Variants in PRKG1 observed in about 807,000 individuals in gnomAD.
PRKG1 encodes the protein protein kinase cGMP-dependent 1, also known as cGMP-dependent protein kinase 1.
Under a neutral mutation model 88.1 loss-of-function variants are expected in PRKG1, and 35 were observed. The observed-to-expected ratio is 0.40, with a 90% CI of 0.30 to 0.53. The LOEUF is 0.53. Ranked by LOEUF, PRKG1 falls within the 20% of genes least tolerant of loss-of-function variation. PRKG1 has a pLI of 0.59. For missense variants in PRKG1, 540 were observed against 839.8 expected (o/e 0.64, Z 4.41); for synonymous variants, 303 against 292.5 (o/e 1.04, Z -0.37).
At chr10:51,823,924 A>G (rs193124655) in intron 4 of PRKG1, among the ~76,000 whole-genome samples, 26 of 120,648 alleles carry the variant, frequency 2.2e-4, no homozygotes, top group Non-Finnish European at 3.5e-4. Context: ...CCTGGGCTAG[A>G]GTGCAGTGGT....
chr10:51,179,321 T>C (rs907484552), intron 2 of PRKG1, among the ~76,000 whole-genome samples: 1 of 152,246 alleles, frequency 6.6e-6, no homozygotes, highest in Non-Finnish European at 1.5e-5. Flanking sequence ...AAAGAAGTTT[T>C]TAAAATGGAT....
At chr10:51,391,791 C>CT (rs1202875882) in intron 2 of PRKG1, among the ~76,000 whole-genome samples, 1 of 152,144 alleles carries the variant, frequency 6.6e-6, no homozygotes, top group Non-Finnish European at 1.5e-5. Context: ...GCATTGACTG[C>CT]TTTTTTGCCA....
intron 3 of PRKG1, among the ~76,000 whole-genome samples, chr10:51,768,293 T>TA (rs1396080136): frequency 3.3e-5 from 5 of 152,148 alleles, no homozygotes; most frequent in Non-Finnish European, 2.9e-5. Flanking sequence ...TTTCATAAGC[T>TA]AAGAGTTGTG....
intron 2 of PRKG1, among the ~76,000 whole-genome samples, chr10:51,352,418 T>G (rs892104507): frequency 6.6e-6 from 1 of 152,126 alleles, no homozygotes; most frequent in Non-Finnish European, 1.5e-5. Context: ...TCCTCTCTTA[T>G]TTCCTTGAGC....
chr10:51,655,555 C>T (rs1014491560), intron 3 of PRKG1, among the ~76,000 whole-genome samples: 1 of 151,888 alleles, frequency 6.6e-6, no homozygotes, highest in African/African-American at 2.4e-5. Context: ...CATGATTCTA[C>T]AGACGATAAA....
At chr10:51,301,009 T>G (rs981039517) in intron 2 of PRKG1, among the ~76,000 whole-genome samples, 2 of 152,224 alleles carry the variant, frequency 1.3e-5, no homozygotes, top group Non-Finnish European at 2.9e-5. Context: ...TGTTGACTTT[T>G]TTTTTGAGTG....
chr10:52,267,648 T>C (rs1173285268), intron 10 of PRKG1, among the ~76,000 whole-genome samples: 1 of 152,072 alleles, frequency 6.6e-6, no homozygotes, highest in Non-Finnish European at 1.5e-5. Flanking sequence ...TGTGTGTATA[T>C]ATATACATAT....
chr10:51,476,990 GAGGC>G (rs1163070214), intron 3 of PRKG1, among the ~76,000 whole-genome samples: 1 of 151,972 alleles, frequency 6.6e-6, no homozygotes, highest in Non-Finnish European at 1.5e-5. Flanking sequence ...TTGCATAGGT[GAGGC>G]AACTGAGTTT....
chr10:51,127,311 C>T (rs891199274), intron 1 of PRKG1, among the ~76,000 whole-genome samples: 2 of 152,110 alleles, frequency 1.3e-5, no homozygotes, highest in African/African-American at 2.4e-5. Context: ...TATGAATAGA[C>T]ACTTCTCAAA....
chr10:51,075,671 T>C (rs1319881117), intron 1 of PRKG1, among the ~76,000 whole-genome samples: 2 of 152,250 alleles, frequency 1.3e-5, no homozygotes, highest in African/African-American at 2.4e-5. Flanking sequence ...AGCACACTTA[T>C]CTTATTTAAA....
intron 6 of PRKG1, among the ~76,000 whole-genome samples, chr10:52,058,481 A>G (rs953628881): frequency 6.6e-6 from 1 of 152,032 alleles, no homozygotes; most frequent in Admixed American, 6.6e-5. Context: ...TCTTGCCCTG[A>G]TAAGTGGTAT....
chr10:51,925,750 T>C (rs1052137333), intron 5 of PRKG1, among the ~76,000 whole-genome samples: 1 of 152,062 alleles, frequency 6.6e-6, no homozygotes, highest in African/African-American at 2.4e-5. Flanking sequence ...AAGTGTGGAG[T>C]TGCCCCTAAA....
At chr10:51,334,641 TC>T (rs556816651) in intron 2 of PRKG1, among the ~76,000 whole-genome samples, 42 of 152,272 alleles carry the variant, frequency 2.8e-4, no homozygotes, top group African/African-American at 1.0e-3. Context: ...ATAAAAGTAA[TC>T]CGTTTCCAAG....
At chr10:52,186,697 A>G (rs918563067) in intron 9 of PRKG1, among the ~76,000 whole-genome samples, 2 of 152,096 alleles carry the variant, frequency 1.3e-5, no homozygotes, top group Non-Finnish European at 2.9e-5. Context: ...ATGGCCATCA[A>G]AAATGTTTTA....
chr10:51,098,640 G>A (rs1399202364), intron 1 of PRKG1, among the ~76,000 whole-genome samples: 2 of 152,134 alleles, frequency 1.3e-5, no homozygotes, highest in Non-Finnish European at 2.9e-5. Context: ...CATAACTTTT[G>A]ACATGGTCTA....
At chr10:51,239,583 G>A (rs1011846271) in intron 2 of PRKG1, among the ~76,000 whole-genome samples, 3 of 152,168 alleles carry the variant, frequency 2.0e-5, no homozygotes, top group African/African-American at 2.4e-5. Context: ...TGAGAGTGAG[G>A]ATGAGACCTC....
chr10:51,252,073 A>G (rs542272301), intron 2 of PRKG1, among the ~76,000 whole-genome samples: 6 of 151,880 alleles, frequency 4.0e-5, no homozygotes, highest in Middle Eastern at 3.4e-3. Flanking sequence ...GTGTGTGCAC[A>G]TGCATGAGTG....
intron 8 of PRKG1, among the ~76,000 whole-genome samples, chr10:52,146,142 A>G (rs1837721391): frequency 6.6e-6 from 1 of 152,138 alleles, no homozygotes. Context: ...ATTATTTTTC[A>G]TTATTCCCAT....
intron 3 of PRKG1, among the ~76,000 whole-genome samples, chr10:51,598,146 A>G (rs1201151869): frequency 2.0e-5 from 3 of 152,084 alleles, no homozygotes; most frequent in Non-Finnish European, 2.9e-5. Flanking sequence ...GGATACAAAA[A>G]TACTCCATGC....
Sources: allele counts gnomAD v4.1 joint callset (sites outside exome capture counted in the v4.1 genomes callset), GRCh38; gene constraint gnomAD v4.1.1; transcripts MANE v1.5; gene names NCBI Gene and HGNC (gene_info 2026-07-23, HGNC 2026-07-21).